The following PPP2R2B variants were observed in gnomAD, a reference collection of about 807,000 sequenced individuals.
PPP2R2B encodes serine/threonine-protein phosphatase 2A 55 kDa regulatory subunit B beta isoform.
Under a neutral mutation model 46.0 loss-of-function variants are expected in PPP2R2B, and 5 were observed. That is an observed-to-expected ratio of 0.11 (90% CI 0.06 to 0.23). The LOEUF (loss-of-function observed/expected upper bound fraction) is 0.23, where lower values mean the gene tolerates loss of function less well. PPP2R2B is among the 10% of genes least tolerant of loss of function. The pLI is 1.00. For synonymous variants in PPP2R2B, 215 were observed against 206.7 expected (o/e 1.04, Z -0.34); for missense variants, 367 against 575.0 (o/e 0.64, Z 3.70).
At chr5:146,863,921 G>C (rs1169100984) in intron 2 of PPP2R2B, among the ~76,000 whole-genome samples, 2 of 152,088 alleles carry the variant, frequency 1.3e-5, no homozygotes, top group Admixed American at 1.3e-4. Context: ...CTTTGAAAGT[G>C]GACTAAAAAT....
At chr5:146,829,444 ATT>A (rs1758785867) in intron 2 of PPP2R2B, among the ~76,000 whole-genome samples, 2 of 152,320 alleles carry the variant, frequency 1.3e-5, no homozygotes, top group South Asian at 4.1e-4. Context: ...TGTTCAGCAT[ATT>A]TTGTTTCATT....
At chr5:146,733,925 G>T (rs1752384784) in intron 2 of PPP2R2B, among the ~76,000 whole-genome samples, 1 of 152,168 alleles carries the variant, frequency 6.6e-6, no homozygotes, top group Admixed American at 6.5e-5. Context: ...AACGGCAGTA[G>T]TAGCAGTGGT....
intron 2 of PPP2R2B, among the ~76,000 whole-genome samples, chr5:146,787,002 C>T (rs1299767720): frequency 6.6e-6 from 1 of 152,246 alleles, no homozygotes; most frequent in East Asian, 1.9e-4. Context: ...CCCTATTTTA[C>T]AGATAAAAAA....
At chr5:146,970,883 T>C (rs1229681262) in intron 1 of PPP2R2B, among the ~76,000 whole-genome samples, 2 of 151,746 alleles carry the variant, frequency 1.3e-5, no homozygotes, top group Non-Finnish European at 2.9e-5. Flanking sequence ...AATTAGAAAA[T>C]ACAGAGAAGA....
intron 5 of PPP2R2B, among the ~76,000 whole-genome samples, chr5:146,669,546 A>G (rs1200786055): frequency 1.3e-5 from 2 of 152,030 alleles, no homozygotes; most frequent in African/African-American, 4.8e-5. Context: ...AACAAATCTT[A>G]TGGGTGATTT....
At chr5:146,929,401 A>G (rs960218787) in intron 1 of PPP2R2B, among the ~76,000 whole-genome samples, 7 of 152,164 alleles carry the variant, frequency 4.6e-5, no homozygotes, top group Non-Finnish European at 1.0e-4. Flanking sequence ...CAGTGGTTCT[A>G]TGGTTCTGAT....
At chr5:146,861,459 G>A (rs1760996555) in intron 2 of PPP2R2B, among the ~76,000 whole-genome samples, 1 of 152,044 alleles carries the variant, frequency 6.6e-6, no homozygotes, top group Non-Finnish European at 1.5e-5. Flanking sequence ...CCAAAGTTCT[G>A]GGATTACAGG....
chr5:147,060,509 T>C (rs1335872069), upstream of PPP2R2B, among the ~76,000 whole-genome samples: 1 of 152,044 alleles, frequency 6.6e-6, no homozygotes, highest in Non-Finnish European at 1.5e-5. Flanking sequence ...CCACCCATAG[T>C]CCCTGCCACT....
chr5:146,708,010 T>A (rs544430989), intron 2 of PPP2R2B, among the ~76,000 whole-genome samples: 102 of 152,302 alleles, frequency 6.7e-4, no homozygotes, highest in African/African-American at 2.4e-3. Flanking sequence ...TCAAACTGAA[T>A]GAAAGATTTT....
chr5:146,785,372 C>T (rs533688672), intron 2 of PPP2R2B, among the ~76,000 whole-genome samples: 24 of 152,140 alleles, frequency 1.6e-4, no homozygotes, highest in Admixed American at 9.2e-4. Flanking sequence ...CATAGTGAAA[C>T]GCTGTCTCTA....
At chr5:146,700,350 G>A (rs1384242158) in intron 3 of PPP2R2B, among the ~76,000 whole-genome samples, 1 of 152,092 alleles carries the variant, frequency 6.6e-6, no homozygotes, top group Non-Finnish European at 1.5e-5. Context: ...ATTCCATTTT[G>A]ACAAACAGAA....
At chr5:146,923,622 G>C (rs1763682713) in intron 1 of PPP2R2B, among the ~76,000 whole-genome samples, 1 of 152,172 alleles carries the variant, frequency 6.6e-6, no homozygotes, top group African/African-American at 2.4e-5. Flanking sequence ...TGAATGGTAG[G>C]AGTGCAAATT....
chr5:146,820,307 C>A (rs1758179144), intron 2 of PPP2R2B, among the ~76,000 whole-genome samples: 1 of 151,874 alleles, frequency 6.6e-6, no homozygotes, highest in African/African-American at 2.4e-5. Context: ...CACATTGTAC[C>A]CATATAGGTA....
chr5:147,041,425 T>C (rs1032992159), intron 1 of PPP2R2B, among the ~76,000 whole-genome samples: 1 of 152,178 alleles, frequency 6.6e-6, no homozygotes, highest in Non-Finnish European at 1.5e-5. Context: ...ACTTAGAGAA[T>C]TGGGCATTAT....
In PPP2R2B at chr5:146,633,404, C is replaced by T. The variant is rs188499608; in HGVS notation, c.790+4847G>A. The stretch of plus-strand genomic sequence containing the variant: ...TGAACTGCGGTTGACTGCAGGCTGC[C>T]GTTTGAGGAGGATGGAGAAAATCAA... On this transcript the variant is annotated intron_variant, in intron 7 of 9. Transcript: ENST00000394411. Among the ~76,000 whole-genome samples the T allele has an allele frequency of 6.6e-5, 10 of 152,264 alleles. No homozygotes were observed. The East Asian group carries it at 1.5e-3, about 24-fold the overall frequency.
chr5:146,646,795 T>C (rs926564026), intron 6 of PPP2R2B, among the ~76,000 whole-genome samples: 1 of 152,206 alleles, frequency 6.6e-6, no homozygotes, highest in Non-Finnish European at 1.5e-5. Flanking sequence ...ATGATTGTGC[T>C]AGTCCTGTTT....
chr5:146,708,080 G>A (rs1779979257), intron 2 of PPP2R2B, among the ~76,000 whole-genome samples: 1 of 152,134 alleles, frequency 6.6e-6, no homozygotes, highest in African/African-American at 2.4e-5. Context: ...TATAGGCTGG[G>A]CACGGTGGCT....
intron 1 of PPP2R2B, among the ~76,000 whole-genome samples, chr5:146,992,644 T>C (rs6860039): frequency 0.99 from 151,060 of 152,348 alleles, 74,894 homozygotes; most frequent in South Asian, 1. Flanking sequence ...ATCATCCTCA[T>C]GTGGTTTACA....
Position 146,734,219 on chromosome 5 carries a change from C to A in PPP2R2B, c.71-33077G>T, listed in dbSNP as rs12656540. On this transcript the variant is annotated intron_variant, in intron 2 of 9. Transcript: ENST00000394411. Reference sequence around the variant, plus strand: ...TACAGATGCACACCACCATACCTGGCTAATGTTTTTATTTTTTTGTAGAGA... The same window carrying A: ...TACAGATGCACACCACCATACCTGGATAATGTTTTTATTTTTTTGTAGAGA... Among the ~76,000 whole-genome samples the A allele has an allele frequency of 3.3e-3, 503 of 152,044 alleles. 13 individuals carry two copies. In the South Asian group the frequency reaches 0.049, roughly 15 times the overall value.
Sources: allele counts gnomAD v4.1 joint callset (sites outside exome capture counted in the v4.1 genomes callset), GRCh38; gene constraint gnomAD v4.1.1; transcripts MANE v1.5; gene names NCBI Gene and HGNC (gene_info 2026-07-23, HGNC 2026-07-21).